ECT2L: variants seen among roughly 807,000 people sequenced by gnomAD.
ECT2L encodes the protein epithelial cell-transforming sequence 2 oncogene-like.
ECT2L carries 126 observed loss-of-function variants against 122.8 expected under a neutral mutation model. The ratio of observed to expected loss-of-function variants is 1.03; its 90% CI spans 0.89 to 1.19. The LOEUF (loss-of-function observed/expected upper bound fraction) is 1.19. Ranked by LOEUF, ECT2L falls within the 50% of genes most tolerant of loss-of-function variation. The pLI, the probability that ECT2L is intolerant of heterozygous loss-of-function variation, is 0.00. For missense variants in ECT2L, 1,012 were observed against 1,064.1 expected (o/e 0.95, Z 0.68); for synonymous variants, 385 against 381.8 (o/e 1.01, Z -0.10).
At chr6:138,887,047 C>T (rs1778849670) in intron 19 of ECT2L, 125 bp downstream of exon 19, 2 of 740,312 alleles carry the variant, frequency 2.7e-6, no homozygotes, top group Admixed American at 2.2e-5. Context: ...GTGCCAGGCA[C>T]TGCCATGCTC....
intron 16 of ECT2L, among the ~76,000 whole-genome samples, chr6:138,883,528 C>T (rs1235291042): frequency 6.6e-6 from 1 of 152,176 alleles, no homozygotes; most frequent in African/African-American, 2.4e-5. Context: ...CTGCCAGAGT[C>T]CACTGTGACC....
At chr6:138,892,274 A>G (rs1398734361) in intron 20 of ECT2L, among the ~76,000 whole-genome samples, 1 of 151,916 alleles carries the variant, frequency 6.6e-6, no homozygotes, top group Admixed American at 6.6e-5. Context: ...CATTTCTGTT[A>G]TATTTATTTC....
Position 138,844,481 on chromosome 6 carries a change from G to T in ECT2L, c.665G>T (p.Cys222Phe), listed in dbSNP as rs755043557. 6.2e-7 allele frequency: 1 copy of T among 1,614,128 alleles called. No homozygotes were observed. Among genetic ancestry groups the T allele is most frequent in the Admixed American group, 1.7e-5 (1 of 60,022 alleles). Residue 222 changes from cysteine to phenylalanine, a missense_variant, in exon 7 of 22, where the codon TGC becomes TTC. Cys to Phe is a radical substitution (Grantham distance 205, BLOSUM62 -2). Transcript: ENST00000541398. ...TCCSSVLKPRCQPRLSQTVRE... is the reference protein window; with the variant it reads ...TCCSSVLKPRFQPRLSQTVRE... Reference sequence around the variant, plus strand: ...TGCTCTAGCGTGCTAAAGCCCAGATGCCAACCACGCCTCTCCCAGACTGTA... The same window carrying T: ...TGCTCTAGCGTGCTAAAGCCCAGATTCCAACCACGCCTCTCCCAGACTGTA...
At chr6:138,898,048 T>C (rs1779274651) in intron 20 of ECT2L, among the ~76,000 whole-genome samples, 1 of 138,384 alleles carries the variant, frequency 7.2e-6, no homozygotes, top group Non-Finnish European at 1.6e-5. Flanking sequence ...ATTGTTCTTA[T>C]CATGGATATG....
intron 10 of ECT2L, among the ~76,000 whole-genome samples, chr6:138,860,423 C>T (rs552508329): frequency 2.0e-5 from 3 of 151,798 alleles, no homozygotes; most frequent in Non-Finnish European, 2.9e-5. Context: ...ATTTCATTTG[C>T]ACCTTTGTTG....
chr6:138,812,705 T>C (rs1266564816), intron 1 of ECT2L, 133 bp from the exon 2 acceptor site: 1 of 152,250 alleles, frequency 6.6e-6, no homozygotes, highest in Non-Finnish European at 1.5e-5. Context: ...CTCCAGAGAC[T>C]GAGGCAGGAG....
rs146769748 is a variant in ECT2L at position 138,814,569 on chromosome 6, G to A, written c.145G>A (p.Ala49Thr). Residue 49 changes from alanine (A) to threonine (T), a missense_variant, in exon 4 of 22, where the codon GCA becomes ACA. Physicochemically the swap from Ala to Thr is moderately conservative, Grantham distance 58 (BLOSUM62 0). Coordinates refer to ENST00000541398, the MANE Select transcript of ECT2L (RefSeq NM_001077706.3). ...TNKQRQEFLF[A>T]IFLRCTKSQL... The stretch of plus-strand genomic sequence containing the variant: ...CAAGCAACGTCAAGAATTCTTATTC[G>A]CAATTTTTTTAAGATGCACTAAATC... The A allele has an allele frequency of 1.3e-3, 2,128 of 1,611,060 alleles. 32 individuals are homozygous for A. In the African/African-American group the frequency reaches 0.025, roughly 19 times the overall value.
chr6:138,831,931 C>T (rs1353204433), intron 4 of ECT2L, among the ~76,000 whole-genome samples: 1 of 152,162 alleles, frequency 6.6e-6, no homozygotes, highest in Non-Finnish European at 1.5e-5. Context: ...CATATATATG[C>T]ATAGATATAA....
At chr6:138,900,495 C>T (rs1014884764) in intron 20 of ECT2L, among the ~76,000 whole-genome samples, 3 of 152,188 alleles carry the variant, frequency 2.0e-5, no homozygotes, top group African/African-American at 7.2e-5. Context: ...ATCAGCCTGC[C>T]TTGGCCTCCA....
At chr6:138,883,850 ATGTT>A (rs1778721417) in intron 16 of ECT2L, among the ~76,000 whole-genome samples, 1 of 152,166 alleles carries the variant, frequency 6.6e-6, no homozygotes, top group Admixed American at 6.5e-5. Flanking sequence ...CTTAGCTTAA[ATGTT>A]AGTTATTTGG....
intron 20 of ECT2L, among the ~76,000 whole-genome samples, chr6:138,892,696 T>C (rs1479860223): frequency 1.3e-5 from 2 of 152,104 alleles, no homozygotes; most frequent in Non-Finnish European, 2.9e-5. Flanking sequence ...ATTCACCACA[T>C]TGGCTAGGCT....
intron 13 of ECT2L, among the ~76,000 whole-genome samples, chr6:138,872,183 C>T (rs1004814060): frequency 6.6e-6 from 1 of 152,176 alleles, no homozygotes; most frequent in East Asian, 1.9e-4. Context: ...TATCTAAGCC[C>T]TTTACAGGTT....
chr6:138,817,435 A>C (rs1380342877), intron 4 of ECT2L, among the ~76,000 whole-genome samples: 1 of 152,214 alleles, frequency 6.6e-6, no homozygotes, highest in Admixed American at 6.5e-5. Flanking sequence ...GTATTATTTG[A>C]ATACTTGAAA....
intron 4 of ECT2L, among the ~76,000 whole-genome samples, chr6:138,829,187 G>A (rs1776565395): frequency 1.3e-5 from 2 of 152,034 alleles, no homozygotes; most frequent in African/African-American, 4.8e-5. Flanking sequence ...TCTTTCTGGT[G>A]TGAGAAAACC....
At position 138,844,595 on chromosome 6, in the gene ECT2L, A is replaced by G; in HGVS notation, c.764+15A>G. 1.9e-6 allele frequency: 3 copies of G among 1,613,004 alleles called. No individual in the cohort carries two copies. Among genetic ancestry groups the G allele is most frequent in the Non-Finnish European group, 2.5e-6 (3 of 1,179,256 alleles). ...TTGCCCAAGCGGTAAGCAAAATTCC[A>G]TCTACTGAAGGCTCAACACCATCCC... is the stretch of plus-strand genomic sequence containing the variant. On this transcript the variant is annotated intron_variant, in intron 7 of 21. Coordinates refer to ENST00000541398, the MANE Select transcript of ECT2L (RefSeq NM_001077706.3).
At chr6:138,857,122 T>G (rs1351086649) in intron 10 of ECT2L, among the ~76,000 whole-genome samples, 1 of 152,212 alleles carries the variant, frequency 6.6e-6, no homozygotes, top group East Asian at 1.9e-4. Flanking sequence ...GCCTTTCATC[T>G]TCTCCAGACT....
intron 13 of ECT2L, among the ~76,000 whole-genome samples, chr6:138,873,362 C>T (rs946213794): frequency 1.3e-5 from 2 of 152,196 alleles, no homozygotes; most frequent in Admixed American, 1.3e-4. Context: ...CACAGCTAAA[C>T]GTCAGTGTTG....
At chr6:138,804,409 G>A (rs1374791184) in intron 1 of ECT2L, among the ~76,000 whole-genome samples, 1 of 152,004 alleles carries the variant, frequency 6.6e-6, no homozygotes, top group Non-Finnish European at 1.5e-5. Context: ...TTTCTCTTCT[G>A]TTCCACAGGT....
chr6:138,870,787 T>G (rs1409166508), intron 13 of ECT2L, among the ~76,000 whole-genome samples: 1 of 152,162 alleles, frequency 6.6e-6, no homozygotes, highest in Admixed American at 6.6e-5. Flanking sequence ...GGCGGGCAGA[T>G]CATTTGAGGT....
Sources: allele counts gnomAD v4.1 joint callset (sites outside exome capture counted in the v4.1 genomes callset), GRCh38; gene constraint gnomAD v4.1.1; transcripts MANE v1.5; gene names NCBI Gene and HGNC (gene_info 2026-07-23, HGNC 2026-07-21).